Variants in PCDHA6 observed in about 807,000 individuals in gnomAD.
PCDHA6 encodes the protein protocadherin alpha-6.
A neutral mutation model predicts 60.3 loss-of-function variants in PCDHA6; 55 were observed. That is an observed-to-expected ratio of 0.91 (90% CI 0.73 to 1.14). The LOEUF is 1.14. Ranked by LOEUF, PCDHA6 falls within the 50% of genes most tolerant of loss-of-function variation. PCDHA6 has a pLI of 0.00. For synonymous variants in PCDHA6, 652 were observed against 557.9 expected (o/e 1.17, Z -2.38); for missense variants, 1,327 against 1,256.5 (o/e 1.06, Z -0.85).
chr5:140,968,022 A>G (rs782399233), intron 1 of PCDHA6: 3 of 1,614,142 alleles, frequency 1.9e-6, no homozygotes, highest in South Asian at 2.2e-5. Flanking sequence ...GGAAACTCCT[A>G]TACACTGGTG....
intron 1 of PCDHA6, chr5:140,926,893 A>G: frequency 1.3e-6 from 2 of 1,547,320 alleles, no homozygotes; most frequent in Non-Finnish European, 1.7e-6. Context: ...TAGAGGGAGG[A>G]TGGTGGGCTG....
rs575141569 is a variant in PCDHA6, at chr5:140,917,876, CT to C, written c.2395-61063del. Among the ~76,000 whole-genome samples, 1,293 of 147,130 alleles carry C rather than the reference CT, an allele frequency of 8.8e-3. 5 individuals carry two copies. Among genetic ancestry groups the C allele is most frequent in the African/African-American group, 0.02 (816 of 40,244 alleles). ...TAGGATTGCTTTGACTATTTGGGCT[CT>C]TTTTTTTTTCCATATGAATGTTAGG... On this transcript the variant is annotated intron_variant, in intron 1 of 3. Coordinates refer to ENST00000529310, the MANE Select transcript of PCDHA6 (RefSeq NM_018909.4).
chr5:140,968,008 C>T, intron 1 of PCDHA6: 1 of 1,614,202 alleles, frequency 6.2e-7, no homozygotes, highest in Non-Finnish European at 8.5e-7. Flanking sequence ...GACTGAATGG[C>T]TTTGGAAACT....
intron 1 of PCDHA6, chr5:140,967,804 A>G (rs1168632160): frequency 6.2e-7 from 1 of 1,614,090 alleles, no homozygotes; most frequent in Admixed American, 1.7e-5. Flanking sequence ...TGCCCATGGC[A>G]GGTCACTGCA....
intron 1 of PCDHA6, chr5:140,870,634 G>C: frequency 6.2e-7 from 1 of 1,612,862 alleles, no homozygotes; most frequent in Non-Finnish European, 8.5e-7. Context: ...GTCGGTGCAC[G>C]CGGAGAGCGG....
At chr5:140,996,699 C>T (rs1462785057) in intron 3 of PCDHA6, among the ~76,000 whole-genome samples, 3 of 152,146 alleles carry the variant, frequency 2.0e-5, no homozygotes, top group Non-Finnish European at 2.9e-5. Flanking sequence ...TTCTGAACCT[C>T]TATCTCTTTG....
intron 1 of PCDHA6, chr5:140,859,217 C>A (rs1409192343): frequency 1.3e-5 from 2 of 149,754 alleles, no homozygotes; most frequent in Non-Finnish European, 3.0e-5. Context: ...AGCTCTTTCA[C>A]TTTAAGGAAG....
At chr5:141,007,145 A>C (rs528280563) in intron 3 of PCDHA6, among the ~76,000 whole-genome samples, 1 of 152,330 alleles carries the variant, frequency 6.6e-6, no homozygotes, top group Admixed American at 6.5e-5. Context: ...CTGACAAAGG[A>C]AACTGTCAAA....
chr5:140,843,736 A>T (rs1779068159), intron 1 of PCDHA6: 1 of 1,547,354 alleles, frequency 6.5e-7, no homozygotes, highest in African/African-American at 1.4e-5. Context: ...TTAAATTTAG[A>T]ACTCATAAAT....
chr5:141,007,481 T>C (rs2098332347), intron 3 of PCDHA6, among the ~76,000 whole-genome samples: 1 of 151,600 alleles, frequency 6.6e-6, no homozygotes, highest in Non-Finnish European at 1.5e-5. Context: ...GGCACGAGAA[T>C]TACTTGGACC....
chr5:140,992,070 GA>G (rs1554252639), intron 3 of PCDHA6, among the ~76,000 whole-genome samples: 1 of 151,052 alleles, frequency 6.6e-6, no homozygotes, highest in Non-Finnish European at 1.5e-5. Context: ...AATTTCAGTA[GA>G]GAATGAGCTA....
intron 1 of PCDHA6, among the ~76,000 whole-genome samples, chr5:140,901,034 T>C (rs573919271): frequency 6.6e-6 from 1 of 152,240 alleles, no homozygotes; most frequent in Non-Finnish European, 1.5e-5. Context: ...TCAACTCTTT[T>C]GCCCATTTTA....
intron 1 of PCDHA6, chr5:140,836,195 C>T (rs1554135720): frequency 3.7e-6 from 6 of 1,613,858 alleles, no homozygotes; most frequent in African/African-American, 1.3e-5. Flanking sequence ...CAGGCTACAA[C>T]GCGTGGCTTT....
intron 1 of PCDHA6, among the ~76,000 whole-genome samples, chr5:140,938,453 G>A (rs558258483): frequency 6.6e-6 from 1 of 151,990 alleles, no homozygotes; most frequent in African/African-American, 2.4e-5. Context: ...AGTTCCCTTT[G>A]TTTTTTAATT....
intron 1 of PCDHA6, chr5:140,966,707 A>G (rs539562297): frequency 7.2e-7 from 1 of 1,379,868 alleles, no homozygotes; most frequent in Admixed American, 3.5e-5. Context: ...GGCGTGGGGC[A>G]CGGCTGGGGA....
rs2150363513 is a variant in PCDHA6 at position 140,843,612 on chromosome 5, C to T, written c.2394+13127C>T. The T allele has an allele frequency of 2.5e-6, 4 of 1,595,894 alleles. No individual in the cohort carries two copies. In the African/African-American group the frequency reaches 5.4e-5, roughly 21 times the overall value. On this transcript the variant is annotated intron_variant, in intron 1 of 3. Coordinates refer to ENST00000529310, the MANE Select transcript of PCDHA6 (RefSeq NM_018909.4). ...CAGAGGGTGTGCTCTGGTGAGGGGC[C>T]ACCGAAGACGGACCTCATGGCCTTC...
chr5:140,986,280 C>T (rs2097193236), intron 3 of PCDHA6, among the ~76,000 whole-genome samples: 1 of 152,116 alleles, frequency 6.6e-6, no homozygotes, highest in African/African-American at 2.4e-5. Flanking sequence ...TTTCAGCTTC[C>T]CTTGAGACTG....
intron 1 of PCDHA6, among the ~76,000 whole-genome samples, chr5:140,896,285 G>T (rs1392495241): frequency 1.3e-5 from 2 of 152,202 alleles, no homozygotes; most frequent in African/African-American, 2.4e-5. Context: ...GGCTTGAATG[G>T]TAAGTTCTTT....
At chr5:140,967,166 G>T (rs563863114) in intron 1 of PCDHA6, 1 of 1,611,394 alleles carries the variant, frequency 6.2e-7, no homozygotes, top group South Asian at 1.1e-5. Context: ...GGTGAGCGCC[G>T]TTGAGGTGGA....
Sources: allele counts gnomAD v4.1 joint callset (sites outside exome capture counted in the v4.1 genomes callset), GRCh38; gene constraint gnomAD v4.1.1; transcripts MANE v1.5; gene names NCBI Gene and HGNC (gene_info 2026-07-23, HGNC 2026-07-21).